Variants in RASSF2 observed in about 807,000 individuals in gnomAD.
RASSF2 encodes Ras association domain family member 2, also known as ras association domain-containing protein 2.
In RASSF2, 34 loss-of-function variants were observed where a neutral mutation model predicts 46.3. The observed-to-expected ratio is 0.73, with a 90% CI of 0.56 to 0.98. RASSF2 has a LOEUF of 0.98. Among genes scored for constraint, RASSF2 ranks in the 50% least tolerant of loss-of-function variants. RASSF2 has a pLI of 0.00. For synonymous variants in RASSF2, 158 were observed against 162.5 expected, an observed-to-expected ratio of 0.97 and a Z score of 0.21; for missense variants, 364 against 431.2, an observed-to-expected ratio of 0.84 and a Z score of 1.38.
Position 4,790,652 on chromosome 20 carries a change from T to C in RASSF2, c.377-41A>G. ...GAAATGAACTCTGTCTGTCTGGACC[T>C]GGGACATGGCACATGGTCCCCAATT... On this transcript the variant is annotated intron_variant, in intron 6 of 11. Coordinates refer to ENST00000379400, the MANE Select transcript of RASSF2 (RefSeq NM_014737.3). This position sits in a 1 kb window ranked among gnomAD's most constrained non-coding sequence, Gnocchi z 4.3. 1 of 1,487,742 alleles carries C rather than the reference T, an allele frequency of 6.7e-7. No homozygotes were observed. Among genetic ancestry groups the C allele is most frequent in the Non-Finnish European group, 8.9e-7 (1 of 1,126,072 alleles). The allele number at this position is 1,487,742 out of a possible 1,614,324, so 92.2% of individuals were successfully genotyped here.
At chr20:4,819,254 C>T (rs375275109) in intron 2 of RASSF2, among the ~76,000 whole-genome samples, 130 of 152,268 alleles carry the variant, frequency 8.5e-4, no homozygotes, top group African/African-American at 2.9e-3. Context: ...TGAGCCACTG[C>T]GCCCAGCCTG....
intron 5 of RASSF2, chr20:4,793,001 A>G: frequency 5.0e-6 from 1 of 201,540 alleles, no homozygotes; most frequent in Non-Finnish European, 1.0e-5. Context: ...TACTTGGAAA[A>G]CTCTAATAGT....
At chr20:4,784,437 A>G in intron 11 of RASSF2, 95 bp from the exon 12 acceptor site, 1 of 1,174,158 alleles carries the variant, frequency 8.5e-7, no homozygotes. Flanking sequence ...AGGTCACACC[A>G]GGTAACAGTG....
At chr20:4,810,454 G>T (rs940196203) in intron 2 of RASSF2, among the ~76,000 whole-genome samples, 2 of 152,124 alleles carry the variant, frequency 1.3e-5, no homozygotes, top group Non-Finnish European at 2.9e-5. Flanking sequence ...CTGCTCTTAG[G>T]TCTTGCTTCC....
At chr20:4,787,528 G>T in intron 10 of RASSF2, 105 bp downstream of exon 10, 2 of 1,413,296 alleles carry the variant, frequency 1.4e-6, no homozygotes, top group South Asian at 2.5e-5. Context: ...AGTAAAAGGG[G>T]GCATGGTCGT....
Position 4,790,601 on chromosome 20 carries a change from G to A in RASSF2, c.387C>T (p.Gly129=). 6.6e-7 allele frequency: 1 copy of A among 1,521,174 alleles called. No homozygotes were observed. The highest frequency in any genetic ancestry group is 8.7e-7 in the Non-Finnish European group (1 of 1,145,846). 94.2% of individuals were successfully genotyped at this position (1,521,174 alleles called of 1,614,324 possible). Residue 129 remains glycine (G), a synonymous_variant, in exon 7 of 12, where the codon GGC becomes GGT. Transcript: ENST00000379400. The surrounding 1 kb of genome is among the most constrained non-coding windows in gnomAD (Gnocchi z 4.3). ...GGGTGTCCTCCTGCAGGGGCTTCAG[G>A]CCCCTGGAGTCTGAGAGAGGAGAGG... ...DQMPSSTDSR[G]LKPLQEDTPQ...
Position 4,800,982 on chromosome 20 carries a change from A to T in RASSF2, c.49T>A (p.Tyr17Asn). ...TSLVPCGQDKYISKNELLLHL... is the reference protein window; with the variant it reads ...TSLVPCGQDKNISKNELLLHL... ...AGCAAAACGTCTTACTTGGAAATGTATTTATCTTGTCCACATGGGACTAGG... is the reference window on the plus strand; with the variant it reads ...AGCAAAACGTCTTACTTGGAAATGTTTTTATCTTGTCCACATGGGACTAGG... The change falls in exon 3 of 12, where the codon TAC becomes AAC. Residue 17 changes from tyrosine to asparagine, a missense_variant. By Grantham distance (143) the Tyr-to-Asn change is moderately radical. Coordinates refer to ENST00000379400, the MANE Select transcript of RASSF2 (RefSeq NM_014737.3). The T allele has an allele frequency of 1.2e-6, 2 of 1,611,384 alleles. No individual in the cohort carries two copies. Among genetic ancestry groups the T allele is most frequent in the Non-Finnish European group, 1.7e-6 (2 of 1,177,460 alleles).
At position 4,788,737 on chromosome 20, in the gene RASSF2, G is replaced by A. The variant is rs1250559707; in HGVS notation, c.640-469C>T. Among the ~76,000 whole-genome samples the A allele has an allele frequency of 2.6e-5, 4 of 152,136 alleles. No individual in the cohort carries two copies. In the East Asian group the frequency reaches 5.8e-4, roughly 22 times the overall value. ...CATAAAAAATGGATTATAATCTTAC[G>A]GGACCACTGTCGTATATGTGGTGCA... On this transcript the variant is annotated intron_variant, in intron 8 of 11. Transcript: ENST00000379400.
At chr20:4,818,481 G>A (rs970631743) in intron 2 of RASSF2, among the ~76,000 whole-genome samples, 1 of 152,114 alleles carries the variant, frequency 6.6e-6, no homozygotes, top group Admixed American at 6.6e-5. Flanking sequence ...TGTGTGCTGG[G>A]GCCAGATCCT....
chr20:4,812,893 G>T lies in RASSF2; in HGVS notation c.-33+9436C>A, dbSNP rs114921362. Among the ~76,000 whole-genome samples the T allele has an allele frequency of 1.3e-5, 2 of 152,164 alleles. No homozygotes were observed. Among genetic ancestry groups the T allele is most frequent in the Non-Finnish European group, 2.9e-5 (2 of 68,014 alleles). ...CTATGCGAGTAGCAGGTGCAGGCTG[G>T]CTCCAGCTACCAGCCCACAGCAGGC... On this transcript the variant is annotated intron_variant, in intron 2 of 11. Coordinates refer to ENST00000379400, the MANE Select transcript of RASSF2 (RefSeq NM_014737.3). The surrounding 1 kb of genome is among the most constrained non-coding windows in gnomAD (Gnocchi z 4.0).
At chr20:4,811,183 C>T (rs143717768) in intron 2 of RASSF2, among the ~76,000 whole-genome samples, 1 of 74,806 alleles carries the variant, frequency 1.3e-5, no homozygotes, top group Non-Finnish European at 3.0e-5. Flanking sequence ...CCCATCTCTA[C>T]AAAAAATAAA....
At position 4,788,245 on chromosome 20, in the gene RASSF2, A is replaced by T; in HGVS notation, c.663T>A (p.Phe221Leu). 6.2e-7 allele frequency: 1 copy of T among 1,609,090 alleles called. No homozygotes were observed. Among genetic ancestry groups the T allele is most frequent in the African/African-American group, 1.3e-5 (1 of 74,842 alleles). Residue 221 changes from phenylalanine (F) to leucine (L), a missense_variant, in exon 9 of 12, where the codon TTT (phenylalanine) becomes TTA (leucine). Transcript: ENST00000379400. ...KFKIENSAEE[F>L]ALYVVHTSGE... is the part of the protein sequence containing the mutation. ...CACTCGTATGGACCACGTACAAGGC[A>T]AACTCCTCTGCTGAATTCTCAATCT...
chr20:4,815,253 C>T (rs6116527), intron 2 of RASSF2: 16,487 of 152,432 alleles, frequency 0.11, 1,623 homozygotes, highest in African/African-American at 0.26. Flanking sequence ...GCAAACTCTG[C>T]CTCAGCAGCC....
chr20:4,786,190 C>T (rs373464658), intron 11 of RASSF2, 41 bp downstream of exon 11: 25 of 1,501,420 alleles, frequency 1.7e-5, no homozygotes, highest in Non-Finnish European at 2.2e-5. Flanking sequence ...CTGTTGAGGC[C>T]CCAGGAGAAG....
intron 1 of RASSF2, 45 bp from the exon 2 acceptor site, chr20:4,822,448 G>C (rs1928761418): frequency 6.6e-6 from 1 of 152,256 alleles, no homozygotes; most frequent in African/African-American, 2.4e-5. Context: ...CTCGCGCTTG[G>C]CTTCTCCTAT....
intron 2 of RASSF2, among the ~76,000 whole-genome samples, chr20:4,802,253 C>T (rs1926934098): frequency 6.6e-6 from 1 of 152,098 alleles, no homozygotes; most frequent in Non-Finnish European, 1.5e-5. Context: ...TGTTCTTTGT[C>T]GTGGGACTGT....
At chr20:4,810,475 C>G (rs1044408103) in intron 2 of RASSF2, among the ~76,000 whole-genome samples, 1 of 152,160 alleles carries the variant, frequency 6.6e-6, no homozygotes. Context: ...TCCAAACGCT[C>G]CATGATCAGG....
In RASSF2 at chr20:4,786,254, C is replaced by A; in HGVS notation, c.888G>T (p.Arg296=). The A allele has an allele frequency of 6.2e-7, 1 of 1,612,936 alleles. No individual in the cohort carries two copies. Among genetic ancestry groups the A allele is most frequent in the Non-Finnish European group, 8.5e-7 (1 of 1,178,928 alleles). The part of the protein sequence containing the change: ...FIQKLQEEED[R]EVKKLMRKYT... ...ACTTGCGCATCAGCTTCTTTACTTC[C>A]CGATCTTCTTCCTCCTGGAGCTTCT... is the stretch of plus-strand genomic sequence containing the variant. The change falls in exon 11 of 12, where the codon CGG becomes CGT. Residue 296 remains arginine, a synonymous_variant. Coordinates refer to ENST00000379400, the MANE Select transcript of RASSF2 (RefSeq NM_014737.3).
At chr20:4,822,912 A>T (rs1204531552) in intron 1 of RASSF2, among the ~76,000 whole-genome samples, 1 of 151,736 alleles carries the variant, frequency 6.6e-6, no homozygotes, top group Non-Finnish European at 1.5e-5. Flanking sequence ...GCGCCGCCCC[A>T]CCTCGCCAGG....
Sources: gnomAD v4.1 joint callset for allele counts (sites outside exome capture counted in the v4.1 genomes callset) on GRCh38, gnomAD v4.1.1 for gene constraint, Gnocchi (gnomAD v3.1) non-coding constraint, MANE v1.5 for transcripts, NCBI Gene and HGNC (gene_info 2026-07-23, HGNC 2026-07-21) for gene names.